Variants in OPCML observed in about 807,000 individuals in gnomAD.
OPCML encodes the protein opioid-binding protein/cell adhesion molecule.
A neutral mutation model predicts 37.8 loss-of-function variants in OPCML; 13 were observed. That is an observed-to-expected ratio of 0.34 (90% CI 0.22 to 0.55). OPCML has a LOEUF of 0.55. Among genes scored for constraint, OPCML ranks in the 20% least tolerant of loss-of-function variants. The probability of loss-of-function intolerance (pLI) is 0.91; values close to 1 mark genes in which losing one functional copy is unlikely to be tolerated. For synonymous variants in OPCML, 176 were observed against 168.8 expected (o/e 1.04, Z -0.33); for missense variants, 341 against 435.6 (o/e 0.78, Z 1.93).
At chr11:133,140,757 A>AGAC (rs778976654) in intron 1 of OPCML, among the ~76,000 whole-genome samples, 9,552 of 62,976 alleles carry the variant, frequency 0.15, 1,281 homozygotes, top group East Asian at 0.36. Flanking sequence ...AGGAAGAAGA[A>AGAC]GACGACGAAG....
At chr11:133,408,215 T>C (rs1471853590) in intron 1 of OPCML, among the ~76,000 whole-genome samples, 3 of 152,170 alleles carry the variant, frequency 2.0e-5, no homozygotes, top group Non-Finnish European at 4.4e-5. Flanking sequence ...AACTTTGAGA[T>C]GCGTGTGAGC....
chr11:133,468,877 G>A (rs1314310166), intron 1 of OPCML, among the ~76,000 whole-genome samples: 5 of 148,124 alleles, frequency 3.4e-5, no homozygotes, highest in Non-Finnish European at 7.4e-5. Flanking sequence ...GCAGGTGAGG[G>A]TAGAGAATAT....
intron 2 of OPCML, among the ~76,000 whole-genome samples, chr11:132,904,959 G>A (rs1167809597): frequency 5.9e-5 from 9 of 152,196 alleles, no homozygotes; most frequent in African/African-American, 2.2e-4. Flanking sequence ...CAGAGTTGCA[G>A]TTGCATTCAG....
At position 133,150,419 on chromosome 11, in the gene OPCML, G is replaced by A. The variant is rs144940517; in HGVS notation, c.62-207409C>T. On this transcript the variant is annotated intron_variant, in intron 1 of 7. Coordinates refer to ENST00000524381, the MANE Select transcript of OPCML (RefSeq NM_001012393.5). ...GATGCAGGTGCGAAATGGTGCAGCT[G>A]GGGTTTCAACCCAGGACTCTGAACC... 2.4e-4 allele frequency among the ~76,000 whole-genome samples: 37 copies of A among 152,294 alleles called. No individual in the cohort carries two copies. In the East Asian group the frequency reaches 7.2e-3, roughly 29 times the overall value.
intron 1 of OPCML, among the ~76,000 whole-genome samples, chr11:132,972,480 C>T (rs1946366756): frequency 6.6e-6 from 1 of 152,206 alleles, no homozygotes; most frequent in Non-Finnish European, 1.5e-5. Flanking sequence ...TGCTCCACAA[C>T]ATGTCAGGAT....
At chr11:132,452,398 G>A (rs530929059) in intron 4 of OPCML, among the ~76,000 whole-genome samples, 1 of 152,138 alleles carries the variant, frequency 6.6e-6, no homozygotes, top group East Asian at 1.9e-4. Context: ...GATCTCCAAG[G>A]CAGACCTCCA....
At chr11:133,405,597 C>A (rs1254053857) in intron 1 of OPCML, among the ~76,000 whole-genome samples, 1 of 152,212 alleles carries the variant, frequency 6.6e-6, no homozygotes, top group African/African-American at 2.4e-5. Flanking sequence ...CTTCCTTCAG[C>A]CTCTCTCCTG....
At chr11:133,283,960 C>A (rs1249094298) in intron 1 of OPCML, among the ~76,000 whole-genome samples, 1 of 152,152 alleles carries the variant, frequency 6.6e-6, no homozygotes, top group African/African-American at 2.4e-5. Flanking sequence ...CCCCCAGTAC[C>A]TAAAAGTCAA....
intron 2 of OPCML, among the ~76,000 whole-genome samples, chr11:132,831,192 T>C (rs1016457196): frequency 6.6e-6 from 1 of 152,132 alleles, no homozygotes; most frequent in Non-Finnish European, 1.5e-5. Context: ...AAGATCCACA[T>C]GAAATACAAG....
At chr11:133,185,430 G>A (rs772730327) in intron 1 of OPCML, among the ~76,000 whole-genome samples, 3 of 152,204 alleles carry the variant, frequency 2.0e-5, no homozygotes, top group Non-Finnish European at 4.4e-5. Flanking sequence ...ACTGAGAGCC[G>A]CTGCAGGCTG....
chr11:133,302,613 T>G (rs898963639), intron 1 of OPCML: 1 of 152,202 alleles, frequency 6.6e-6, no homozygotes, highest in Non-Finnish European at 1.5e-5. Flanking sequence ...TAACAGTATA[T>G]GACAGAAATT....
intron 1 of OPCML, among the ~76,000 whole-genome samples, chr11:133,518,324 TGTGTGTGTGTGG>T (rs1303199535): frequency 6.9e-6 from 1 of 145,342 alleles, no homozygotes; most frequent in Non-Finnish European, 1.5e-5. Context: ...CGTGTATAAG[TGTGTGTGTGTGG>T]GTGTGTTTGT....
At chr11:132,571,981 C>T (rs1396801119) in intron 3 of OPCML, among the ~76,000 whole-genome samples, 1 of 151,990 alleles carries the variant, frequency 6.6e-6, no homozygotes, top group Non-Finnish European at 1.5e-5. Flanking sequence ...AAGGTGATAC[C>T]TCATTGTGGT....
chr11:132,477,900 C>A (rs543062328), intron 4 of OPCML, among the ~76,000 whole-genome samples: 2 of 152,024 alleles, frequency 1.3e-5, no homozygotes, highest in Non-Finnish European at 2.9e-5. Flanking sequence ...CAGATGAAGA[C>A]CCTTTGAAAA....
chr11:132,990,691 A>G (rs777864744), intron 1 of OPCML, among the ~76,000 whole-genome samples: 4 of 152,232 alleles, frequency 2.6e-5, no homozygotes, highest in Non-Finnish European at 4.4e-5. Context: ...TTTTAAATAT[A>G]TGGCAAACCT....
At chr11:132,548,349 C>G (rs1281944564) in intron 3 of OPCML, among the ~76,000 whole-genome samples, 3 of 152,148 alleles carry the variant, frequency 2.0e-5, no homozygotes, top group Non-Finnish European at 2.9e-5. Context: ...AATTCATGTT[C>G]TCCCTGGCAC....
chr11:133,018,604 C>T (rs796696718), intron 1 of OPCML, among the ~76,000 whole-genome samples: 14 of 152,278 alleles, frequency 9.2e-5, no homozygotes, highest in African/African-American at 3.4e-4. Flanking sequence ...AATTGTGCTC[C>T]GCGCTGTATT....
intron 2 of OPCML, among the ~76,000 whole-genome samples, chr11:132,865,959 G>A (rs1177170235): frequency 1.3e-5 from 2 of 151,924 alleles, no homozygotes; most frequent in Non-Finnish European, 2.9e-5. Flanking sequence ...GTTTATTCCT[G>A]GTGGTCAGCT....
chr11:132,498,168 C>A (rs1218533246), intron 4 of OPCML, among the ~76,000 whole-genome samples: 2 of 152,036 alleles, frequency 1.3e-5, no homozygotes, highest in Non-Finnish European at 2.9e-5. Flanking sequence ...CGTTTCAAAT[C>A]AAAAGAAAAA....
Sources: gnomAD v4.1 joint callset for allele counts (sites outside exome capture counted in the v4.1 genomes callset) on GRCh38, gnomAD v4.1.1 for gene constraint, MANE v1.5 for transcripts, NCBI Gene and HGNC (gene_info 2026-07-23, HGNC 2026-07-21) for gene names.